The following HCRTR2 variants were observed in gnomAD, a reference collection of about 807,000 sequenced individuals.
The protein encoded by HCRTR2 is orexin receptor type 2.
HCRTR2 carries 22 observed loss-of-function variants against 49.0 expected under a neutral mutation model. That is an observed-to-expected ratio of 0.45 (90% confidence interval 0.32 to 0.64). HCRTR2 has a LOEUF of 0.64. Ranked by LOEUF, HCRTR2 falls within the 30% of genes least tolerant of loss-of-function variation. The pLI, the probability that HCRTR2 is intolerant of heterozygous loss-of-function variation, is 0.04. For missense variants in HCRTR2, 491 were observed against 559.4 expected (o/e 0.88, Z 1.23); for synonymous variants, 236 against 205.3 (o/e 1.15, Z -1.28).
intron 1 of HCRTR2, among the ~76,000 whole-genome samples, chr6:55,209,056 T>C (rs1413840141): frequency 6.6e-6 from 1 of 152,210 alleles, no homozygotes; most frequent in Non-Finnish European, 1.5e-5. Flanking sequence ...AGTGCATTAG[T>C]TTGTACTATG....
intron 1 of HCRTR2, among the ~76,000 whole-genome samples, chr6:55,184,152 C>G (rs1372411826): frequency 6.6e-6 from 1 of 152,152 alleles, no homozygotes; most frequent in Non-Finnish European, 1.5e-5. Flanking sequence ...TGATCTTTAA[C>G]TCCTGAGCAC....
At chr6:55,177,007 C>T (rs1262411230) in intron 1 of HCRTR2, among the ~76,000 whole-genome samples, 1 of 152,000 alleles carries the variant, frequency 6.6e-6, no homozygotes, top group Admixed American at 6.6e-5. Flanking sequence ...GCATTTTTAC[C>T]TTGCATAGAC....
chr6:55,182,255 T>G (rs1288950847), intron 1 of HCRTR2, among the ~76,000 whole-genome samples: 1 of 152,222 alleles, frequency 6.6e-6, no homozygotes, highest in African/African-American at 2.4e-5. Context: ...CACTTCCTGA[T>G]AGTCACATCA....
intron 1 of HCRTR2, among the ~76,000 whole-genome samples, chr6:55,151,417 T>C (rs749734637): frequency 2.0e-5 from 3 of 152,004 alleles, no homozygotes; most frequent in Non-Finnish European, 4.4e-5. Context: ...AAAAGTATAT[T>C]CCATCTTAAG....
chr6:55,256,076 G>C (rs188180815), intron 3 of HCRTR2, among the ~76,000 whole-genome samples: 2 of 152,226 alleles, frequency 1.3e-5, no homozygotes, highest in Non-Finnish European at 2.9e-5. Flanking sequence ...TGAGGTTTTT[G>C]TGTAACAGTG....
intron 4 of HCRTR2, among the ~76,000 whole-genome samples, chr6:55,274,315 T>A (rs1581872017): frequency 6.8e-6 from 1 of 148,122 alleles, no homozygotes; most frequent in African/African-American, 2.4e-5. Context: ...ATATATATAT[T>A]TTATGAAATA....
In HCRTR2 at chr6:55,277,363, G is replaced by A; in HGVS notation, c.763-17G>A. The A allele has an allele frequency of 6.3e-7, 1 of 1,599,422 alleles. No homozygotes were observed. The highest frequency in any genetic ancestry group is 1.1e-5 in the South Asian group (1 of 90,736). On this transcript the variant is annotated splice_polypyrimidine_tract_variant and intron_variant, in intron 4 of 6. Transcript: ENST00000370862. ...CTAAGTCAAATTGCAATAAGGGTCTGTCTCTTCTCCTTTCAGATCCCTGGA... is the reference window on the plus strand; with the variant it reads ...CTAAGTCAAATTGCAATAAGGGTCTATCTCTTCTCCTTTCAGATCCCTGGA...
At chr6:55,248,898 T>C (rs958991135) in intron 2 of HCRTR2, 81 bp downstream of exon 2, 1 of 1,152,116 alleles carries the variant, frequency 8.7e-7, no homozygotes, top group Non-Finnish European at 1.3e-6. Flanking sequence ...AATTAACTAG[T>C]GAGTTGAGAA....
rs184060412 is a variant in HCRTR2 at position 55,178,270 on chromosome 6, A to T, written c.223+3460A>T. Among the ~76,000 whole-genome samples, 3 of 152,168 alleles carry T rather than the reference A, an allele frequency of 2.0e-5. No homozygotes were observed. In the South Asian group the frequency reaches 6.2e-4, roughly 32 times the overall value. ...CTGCTTCTCATATCTGCATTCAAAG[A>T]TATCATATGTTTCATCTGGTATGCT... On this transcript the variant is annotated intron_variant, in intron 1 of 6. Coordinates refer to ENST00000370862, the MANE Select transcript of HCRTR2 (RefSeq NM_001384272.1).
chr6:55,279,137 A>G (rs1269391926), intron 5 of HCRTR2, among the ~76,000 whole-genome samples: 1 of 152,080 alleles, frequency 6.6e-6, no homozygotes, highest in Non-Finnish European at 1.5e-5. Flanking sequence ...TCTTTTCCAC[A>G]ACATAAAAAC....
intron 1 of HCRTR2, among the ~76,000 whole-genome samples, chr6:55,153,516 CCAT>C (rs1345393676): frequency 1.3e-5 from 2 of 151,980 alleles, no homozygotes; most frequent in African/African-American, 2.4e-5. Context: ...TCTCATGGAA[CCAT>C]CATCATTTAT....
chr6:55,130,634 C>T (rs907280019), intron 1 of HCRTR2, among the ~76,000 whole-genome samples: 1 of 151,826 alleles, frequency 6.6e-6, no homozygotes, highest in Non-Finnish European at 1.5e-5. Flanking sequence ...CTTCTCATTA[C>T]TTTTAGGGTA....
chr6:55,161,129 C>G (rs1764800239), intron 1 of HCRTR2, among the ~76,000 whole-genome samples: 1 of 152,120 alleles, frequency 6.6e-6, no homozygotes, highest in African/African-American at 2.4e-5. Flanking sequence ...TCATAACAAA[C>G]AGTCTCTCAG....
intron 1 of HCRTR2, among the ~76,000 whole-genome samples, chr6:55,134,600 T>C (rs1001403091): frequency 6.6e-6 from 1 of 151,878 alleles, no homozygotes; most frequent in Non-Finnish European, 1.5e-5. Context: ...TGAGAGTGTG[T>C]ATCTTTTGAC....
Position 55,119,856 on chromosome 6 carries a change from C to A in HCRTR2, c.-378+13311C>A, listed in dbSNP as rs556062153. ...ATGAAGTCTTTTCCCATGCCTATGT[C>A]CTGAATTATATTGCCCAGGTTTTCT... is the stretch of plus-strand genomic sequence containing the variant. On this transcript the variant is annotated intron_variant, in intron 1 of 7. Coordinates refer to the HCRTR2 transcript ENST00000615358. Among the ~76,000 whole-genome samples the A allele has an allele frequency of 8.5e-5, 13 of 152,070 alleles. No homozygotes were observed. In the East Asian group the frequency reaches 2.5e-3, roughly 29 times the overall value.
At chr6:55,146,027 A>G (rs538191236) in intron 1 of HCRTR2, among the ~76,000 whole-genome samples, 4 of 151,054 alleles carry the variant, frequency 2.6e-5, no homozygotes, top group Admixed American at 2.0e-4. Context: ...GTTGAATTTT[A>G]TTTTTCTTAA....
chr6:55,235,455 T>C (rs1258036134), intron 1 of HCRTR2, among the ~76,000 whole-genome samples: 2 of 152,160 alleles, frequency 1.3e-5, no homozygotes, highest in Non-Finnish European at 2.9e-5. Flanking sequence ...CTCTCACTCT[T>C]TGGCATATAT....
chr6:55,194,271 C>T (rs1465920637), intron 1 of HCRTR2, among the ~76,000 whole-genome samples: 1 of 151,978 alleles, frequency 6.6e-6, no homozygotes, highest in Non-Finnish European at 1.5e-5. Flanking sequence ...TACAAGTTCA[C>T]CTATTTAAAA....
At chr6:55,251,933 A>G (rs1239818391) in intron 2 of HCRTR2, among the ~76,000 whole-genome samples, 45 of 152,218 alleles carry the variant, frequency 3.0e-4, no homozygotes, top group Non-Finnish European at 1.5e-5. Context: ...TTACTATTCA[A>G]CAAACTTGAG....
Sources: gnomAD v4.1 joint callset for allele counts (sites outside exome capture counted in the v4.1 genomes callset) on GRCh38, gnomAD v4.1.1 for gene constraint, MANE v1.5 for transcripts, NCBI Gene and HGNC (gene_info 2026-07-23, HGNC 2026-07-21) for gene names.